The following AGBL3 variants were observed in gnomAD, a reference collection of about 807,000 sequenced individuals.
The protein encoded by AGBL3 is cytosolic carboxypeptidase 3.
Under a neutral mutation model 94.5 loss-of-function variants are expected in AGBL3, and 68 were observed. The ratio of observed to expected loss-of-function variants is 0.72; its 90% CI spans 0.59 to 0.88. The LOEUF (loss-of-function observed/expected upper bound fraction) is 0.88, where lower values mean the gene tolerates loss of function less well. Among genes scored for constraint, AGBL3 ranks in the 40% least tolerant of loss-of-function variants. The probability of loss-of-function intolerance (pLI) is 0.00; values close to 1 mark genes in which losing one functional copy is unlikely to be tolerated. For missense variants in AGBL3, 934 were observed against 1,103.8 expected, an observed-to-expected ratio of 0.85 and a Z score of 2.18; for synonymous variants, 354 against 370.7, an observed-to-expected ratio of 0.95 and a Z score of 0.52.
intron 5 of AGBL3, among the ~76,000 whole-genome samples, chr7:135,024,200 G>A (rs1400794545): frequency 6.6e-6 from 1 of 152,164 alleles, no homozygotes. Flanking sequence ...AGTGATTGGA[G>A]GGGACTCCTA....
chr7:135,060,348 A>G (rs980217935), intron 12 of AGBL3, among the ~76,000 whole-genome samples: 15 of 152,196 alleles, frequency 9.9e-5, no homozygotes, highest in African/African-American at 3.1e-4. Flanking sequence ...GGAATGGTGA[A>G]ATTGAGCTAA....
intron 11 of AGBL3, among the ~76,000 whole-genome samples, chr7:135,056,637 C>A (rs2116665754): frequency 6.6e-6 from 1 of 151,986 alleles, no homozygotes; most frequent in East Asian, 1.9e-4. Context: ...AAAATACCAT[C>A]TATGCTAGCA....
At chr7:135,134,048 A>C (rs1307088064) in intron 16 of AGBL3, among the ~76,000 whole-genome samples, 2 of 152,272 alleles carry the variant, frequency 1.3e-5, no homozygotes, top group East Asian at 3.9e-4. Context: ...ATAATAGATT[A>C]ATAATGGTTG....
chr7:135,055,567 C>T (rs1818271912), intron 11 of AGBL3, among the ~76,000 whole-genome samples: 1 of 152,012 alleles, frequency 6.6e-6, no homozygotes, highest in Non-Finnish European at 1.5e-5. Context: ...ATTACATCAA[C>T]TGATTTTTGA....
At chr7:135,128,953 G>T (rs546515011) in intron 16 of AGBL3, 25 of 1,574,662 alleles carry the variant, frequency 1.6e-5, no homozygotes, top group Non-Finnish European at 2.0e-5. Flanking sequence ...AAGAAGCTGG[G>T]TAGTGAATGC....
chr7:135,022,089 C>A (rs1311832930), intron 5 of AGBL3, among the ~76,000 whole-genome samples: 2 of 152,096 alleles, frequency 1.3e-5, no homozygotes, highest in African/African-American at 4.8e-5. Context: ...TGGGTTGGTT[C>A]CATGTCTTTG....
At chr7:135,053,675 T>C (rs1444899134) in intron 11 of AGBL3, among the ~76,000 whole-genome samples, 2 of 152,188 alleles carry the variant, frequency 1.3e-5, no homozygotes, top group Non-Finnish European at 2.9e-5. Flanking sequence ...CCATCTGCTA[T>C]GGGACTTAAT....
At chr7:135,046,054 G>A (rs1168204307) in intron 11 of AGBL3, 143 bp downstream of exon 11, 2 of 623,038 alleles carry the variant, frequency 3.2e-6, no homozygotes, top group Non-Finnish European at 5.7e-6. Context: ...CCATTATTTT[G>A]GCCAGACTTC....
In AGBL3 at chr7:135,006,013, C is replaced by A. The variant is rs79094546; in HGVS notation, c.311-11039C>A. Among the ~76,000 whole-genome samples, 7 of 151,734 alleles carry A rather than the reference C, an allele frequency of 4.6e-5. No homozygotes were observed. In the East Asian group the frequency reaches 1.4e-3, roughly 29 times the overall value. On this transcript the variant is annotated intron_variant, in intron 4 of 16. Transcript: ENST00000436302. ...ATAAATCTTTTTTAAAATAGAAAATCTTTATGATCTAGAGCTAAGCAAAGA... is the reference window on the plus strand; with the variant it reads ...ATAAATCTTTTTTAAAATAGAAAATATTTATGATCTAGAGCTAAGCAAAGA...
chr7:135,072,518 T>G (rs553283912), intron 12 of AGBL3, among the ~76,000 whole-genome samples: 1 of 152,314 alleles, frequency 6.6e-6, no homozygotes, highest in African/African-American at 2.4e-5. Flanking sequence ...CCAACCCAAA[T>G]GTCCAACAAT....
At chr7:135,040,121 A>G (rs779508259) in intron 8 of AGBL3, among the ~76,000 whole-genome samples, 1 of 152,238 alleles carries the variant, frequency 6.6e-6, no homozygotes, top group Non-Finnish European at 1.5e-5. Context: ...GAAATGAACC[A>G]ATTCCTTGAA....
intron 16 of AGBL3, among the ~76,000 whole-genome samples, chr7:135,120,387 C>T (rs1310697636): frequency 1.3e-5 from 2 of 152,098 alleles, no homozygotes; most frequent in Non-Finnish European, 2.9e-5. Flanking sequence ...ACTAAGTTAA[C>T]ACAACCAATA....
At chr7:135,009,897 G>T (rs1812893348) in intron 4 of AGBL3, 1 of 342,084 alleles carries the variant, frequency 2.9e-6, no homozygotes, top group Admixed American at 4.3e-5. Context: ...CACCTTGCAG[G>T]TTTCTGTCTT....
At chr7:135,000,910 G>A (rs4236650) in intron 4 of AGBL3, among the ~76,000 whole-genome samples, 141,143 of 152,220 alleles carry the variant, frequency 0.93, 66,295 homozygotes, top group Non-Finnish European at 1. Flanking sequence ...TTTCTAACAC[G>A]TCATTGATTA....
intron 9 of AGBL3, 21 bp from the exon 10 acceptor site, chr7:135,045,453 A>G: frequency 6.5e-7 from 1 of 1,539,584 alleles, no homozygotes; most frequent in Non-Finnish European, 8.8e-7. Flanking sequence ...TCAAGGGTGG[A>G]TAAACTTATT....
intron 5 of AGBL3, 151 bp from the exon 6 acceptor site, chr7:135,032,693 T>A (rs1815893350): frequency 1.7e-6 from 1 of 591,082 alleles, no homozygotes; most frequent in East Asian, 3.4e-5. Context: ...ACTCTTAGAT[T>A]CTCTTATTTC....
At chr7:135,008,449 G>A (rs184494530) in intron 4 of AGBL3, among the ~76,000 whole-genome samples, 1 of 151,980 alleles carries the variant, frequency 6.6e-6, no homozygotes, top group African/African-American at 2.4e-5. Context: ...AAATAAAGAA[G>A]TTTGTCCCTT....
chr7:135,050,720 G>A (rs1817797803), intron 11 of AGBL3, among the ~76,000 whole-genome samples: 1 of 151,932 alleles, frequency 6.6e-6, no homozygotes, highest in East Asian at 1.9e-4. Flanking sequence ...TCTGATATAA[G>A]TATAGCTATT....
chr7:134,987,955 G>A lies in AGBL3; in HGVS notation c.22G>A (p.Glu8Lys). ...AAAGATGTCAGAAGATTCAGAAAAG[G>A]AAGACTATTCAGACAGAACAATCAG... MSEDSEK[E>K]DYSDRTISDE... Residue 8 changes from glutamate (E) to lysine (K), a missense_variant, in exon 2 of 17, where the codon GAA becomes AAA. Physicochemically the swap from Glu to Lys is moderately conservative, Grantham distance 56. This residue lies in a region of AGBL3 where 488 missense variants were observed against 563.6 expected (regional missense o/e 0.87). Transcript: ENST00000436302. 6.5e-7 allele frequency: 1 copy of A among 1,548,526 alleles called. No homozygotes were observed. The highest frequency in any genetic ancestry group is 8.7e-7 in the Non-Finnish European group (1 of 1,145,856).
Sources: allele counts gnomAD v4.1 joint callset (sites outside exome capture counted in the v4.1 genomes callset), GRCh38; gene constraint gnomAD v4.1.1; regional missense constraint gnomAD v4.1.1; transcripts MANE v1.5; gene names NCBI Gene and HGNC (gene_info 2026-07-23, HGNC 2026-07-21).